Variants in BCL2 observed in about 807,000 individuals in gnomAD.
The protein encoded by BCL2 is apoptosis regulator Bcl-2.
A neutral mutation model predicts 14.2 loss-of-function variants in BCL2; 1 was observed. The observed-to-expected ratio is 0.07, with a 90% CI of 0.02 to 0.33. The LOEUF is 0.33. Ranked by LOEUF, BCL2 falls within the 10% of genes least tolerant of loss-of-function variation. The probability of loss-of-function intolerance (pLI) is 0.99; values close to 1 mark genes in which losing one functional copy is unlikely to be tolerated. For missense variants in BCL2, 247 were observed against 305.9 expected (o/e 0.81, Z 1.44); for synonymous variants, 151 against 137.2 (o/e 1.10, Z -0.70).
intron 2 of BCL2, among the ~76,000 whole-genome samples, chr18:63,165,455 C>T (rs1024927386): frequency 1.1e-4 from 16 of 152,172 alleles, no homozygotes; most frequent in African/African-American, 3.4e-4. Context: ...CTTGGGGAGC[C>T]GCAGGCATCT....
At chr18:63,287,482 G>T (rs997722990) in intron 2 of BCL2, among the ~76,000 whole-genome samples, 6 of 152,118 alleles carry the variant, frequency 3.9e-5, no homozygotes, top group African/African-American at 1.2e-4. Context: ...AGTTGCCAGG[G>T]CTAAGGGTTA....
chr18:63,249,709 C>CAA (rs11285614), intron 2 of BCL2, among the ~76,000 whole-genome samples: 789 of 52,940 alleles, frequency 0.015, 11 homozygotes, highest in African/African-American at 0.026. Flanking sequence ...GACTCCGCCT[C>CAA]AAAAAAAAAA....
chr18:63,281,233 T>C (rs1912299021), intron 2 of BCL2, among the ~76,000 whole-genome samples: 1 of 152,036 alleles, frequency 6.6e-6, no homozygotes, highest in Non-Finnish European at 1.5e-5. Flanking sequence ...AAAAAAATAA[T>C]CTGGTGATAA....
chr18:63,296,563 C>T (rs1912800561), intron 2 of BCL2, among the ~76,000 whole-genome samples: 1 of 152,204 alleles, frequency 6.6e-6, no homozygotes, highest in South Asian at 2.1e-4. Flanking sequence ...CTCGGTCTCC[C>T]ACAGTGCGGG....
intron 2 of BCL2, among the ~76,000 whole-genome samples, chr18:63,185,411 T>C (rs1915571247): frequency 6.6e-6 from 1 of 152,080 alleles, no homozygotes; most frequent in South Asian, 2.1e-4. Flanking sequence ...ACAGAGATGC[T>C]AAAAAAAGTG....
chr18:63,302,984 T>G (rs528811979), intron 2 of BCL2: 1 of 600,824 alleles, frequency 1.7e-6, no homozygotes, highest in Admixed American at 6.3e-5. Flanking sequence ...TAGAATAAAA[T>G]GTACAGCTGA....
chr18:63,254,261 C>A (rs1911402126), intron 2 of BCL2, among the ~76,000 whole-genome samples: 2 of 151,728 alleles, frequency 1.3e-5, no homozygotes, highest in Non-Finnish European at 2.9e-5. Context: ...GTTCCTTCTT[C>A]CTGTCCAGGC....
At chr18:63,203,105 G>A (rs897047237) in intron 2 of BCL2, among the ~76,000 whole-genome samples, 6 of 152,184 alleles carry the variant, frequency 3.9e-5, no homozygotes, top group African/African-American at 1.4e-4. Context: ...CAGGAAAGTG[G>A]GTGGTTTGTA....
At chr18:63,279,769 A>C (rs1231664971) in intron 2 of BCL2, among the ~76,000 whole-genome samples, 1 of 152,264 alleles carries the variant, frequency 6.6e-6, no homozygotes, top group Non-Finnish European at 1.5e-5. Flanking sequence ...AAATCTCACA[A>C]ACGTAACTAT....
intron 2 of BCL2, among the ~76,000 whole-genome samples, chr18:63,188,999 GTTTTT>G (rs36046351): frequency 7.1e-6 from 1 of 139,908 alleles, no homozygotes; most frequent in African/African-American, 2.7e-5. Flanking sequence ...TTTTCCCCAA[GTTTTT>G]TTTTTTTTTT....
chr18:63,169,453 CCTCT>C (rs1201988541), intron 2 of BCL2, among the ~76,000 whole-genome samples: 1 of 137,410 alleles, frequency 7.3e-6, no homozygotes, highest in Non-Finnish European at 1.6e-5. Context: ...TTCCTTTCTC[CCTCT>C]CTCTCCCTCC....
intron 2 of BCL2, among the ~76,000 whole-genome samples, chr18:63,178,068 G>A (rs72943035): frequency 0.019 from 2,956 of 152,320 alleles, 45 homozygotes; most frequent in Non-Finnish European, 0.028. Flanking sequence ...TCAGGCGTGA[G>A]CCAAGTCCCC....
At chr18:63,156,817 A>G (rs1358703926) in intron 2 of BCL2, among the ~76,000 whole-genome samples, 1 of 152,098 alleles carries the variant, frequency 6.6e-6, no homozygotes, top group Non-Finnish European at 1.5e-5. Context: ...CTCATTCCCC[A>G]ATTTCCTGGG....
At chr18:63,208,694 G>A (rs1434010514) in intron 2 of BCL2, among the ~76,000 whole-genome samples, 3 of 152,218 alleles carry the variant, frequency 2.0e-5, no homozygotes, top group East Asian at 1.9e-4. Context: ...TTTAACTATC[G>A]GGCTAAGGAA....
intron 2 of BCL2, among the ~76,000 whole-genome samples, chr18:63,230,152 G>A (rs1233400744): frequency 6.6e-6 from 1 of 152,092 alleles, no homozygotes; most frequent in Non-Finnish European, 1.5e-5. Context: ...TCAAAGAACT[G>A]TTATCATACA....
chr18:63,191,520 A>G (rs1379375019), intron 2 of BCL2, among the ~76,000 whole-genome samples: 1 of 152,280 alleles, frequency 6.6e-6, no homozygotes, highest in African/African-American at 2.4e-5. Flanking sequence ...ATTTGTATTC[A>G]GTAGTGTCAC....
intron 2 of BCL2, among the ~76,000 whole-genome samples, chr18:63,291,525 C>T (rs1912644967): frequency 6.6e-6 from 1 of 152,174 alleles, no homozygotes; most frequent in Non-Finnish European, 1.5e-5. Context: ...AACAGGTCCA[C>T]AGCCCCGTCC....
At chr18:63,208,128 A>G (rs1909893235) in intron 2 of BCL2, 1 of 152,228 alleles carries the variant, frequency 6.6e-6, no homozygotes, top group South Asian at 2.1e-4. Context: ...GCCACCTGTT[A>G]TGGAATATAC....
intron 2 of BCL2, among the ~76,000 whole-genome samples, chr18:63,289,370 C>A (rs997660858): frequency 6.6e-6 from 1 of 152,140 alleles, no homozygotes; most frequent in Non-Finnish European, 1.5e-5. Context: ...GAGATCAGAT[C>A]TGGGCCTTAA....
Sources: allele counts gnomAD v4.1 joint callset (sites outside exome capture counted in the v4.1 genomes callset), GRCh38; gene constraint gnomAD v4.1.1; transcripts MANE v1.5; gene names NCBI Gene and HGNC (gene_info 2026-07-23, HGNC 2026-07-21).